GRIK2: variants seen among roughly 807,000 people sequenced by gnomAD.
GRIK2 encodes glutamate receptor ionotropic, kainate 2.
Under a neutral mutation model 100.3 loss-of-function variants are expected in GRIK2, and 32 were observed. The ratio of observed to expected loss-of-function variants is 0.32; its 90% CI spans 0.24 to 0.43. GRIK2 has a LOEUF of 0.43. GRIK2 is among the 20% of genes least tolerant of loss of function. The probability of loss-of-function intolerance (pLI) is 1.00; values close to 1 mark genes in which losing one functional copy is unlikely to be tolerated. For missense variants in GRIK2, 843 were observed against 1,114.9 expected (o/e 0.76, Z 3.47); for synonymous variants, 417 against 389.4 (o/e 1.07, Z -0.83).
chr6:101,988,868 T>C (rs1009341857), intron 14 of GRIK2, among the ~76,000 whole-genome samples: 45 of 151,882 alleles, frequency 3.0e-4, no homozygotes, highest in African/African-American at 1.1e-3. Context: ...AGTCAAAGTA[T>C]AATGAATTTA....
At chr6:102,043,198 C>T (rs761093330) in intron 15 of GRIK2, among the ~76,000 whole-genome samples, 25 of 151,536 alleles carry the variant, frequency 1.6e-4, no homozygotes, top group South Asian at 6.2e-4. Context: ...ATATTTATGA[C>T]GTAAAAGTGA....
chr6:101,907,144 T>C (rs139460564), intron 12 of GRIK2, among the ~76,000 whole-genome samples: 1 of 151,816 alleles, frequency 6.6e-6, no homozygotes, highest in East Asian at 1.9e-4. Flanking sequence ...GAATATATAT[T>C]AGATATATAA....
intron 2 of GRIK2, among the ~76,000 whole-genome samples, chr6:101,433,269 A>T (rs1769518595): frequency 6.6e-6 from 1 of 152,190 alleles, no homozygotes; most frequent in African/African-American, 2.4e-5. Flanking sequence ...AGTTACCTCC[A>T]TTTCTTTTCA....
At chr6:101,921,758 C>A (rs1789535536) in intron 12 of GRIK2, among the ~76,000 whole-genome samples, 1 of 151,880 alleles carries the variant, frequency 6.6e-6, no homozygotes, top group African/African-American at 2.4e-5. Flanking sequence ...TACCTTTCCT[C>A]ACTATTAGAG....
At chr6:101,830,304 G>T (rs1582324629) in intron 10 of GRIK2, among the ~76,000 whole-genome samples, 1 of 151,794 alleles carries the variant, frequency 6.6e-6, no homozygotes, top group African/African-American at 2.4e-5. Flanking sequence ...TAAATCTAAG[G>T]CCTCAAACTG....
At chr6:101,800,562 AATC>A (rs1272810942) in intron 8 of GRIK2, among the ~76,000 whole-genome samples, 2 of 152,092 alleles carry the variant, frequency 1.3e-5, no homozygotes, top group Non-Finnish European at 1.5e-5. Flanking sequence ...GCTTAAAATA[AATC>A]ATCAGTTCAT....
chr6:101,546,848 G>T (rs2749076), intron 2 of GRIK2, among the ~76,000 whole-genome samples: 61,013 of 77,102 alleles, frequency 0.79, 23,132 homozygotes, highest in African/African-American at 0.84. Flanking sequence ...TTTTTTTTTT[G>T]GAGACGGAGT....
intron 2 of GRIK2, among the ~76,000 whole-genome samples, chr6:101,486,251 G>A (rs1410697323): frequency 6.6e-6 from 1 of 152,064 alleles, no homozygotes; most frequent in Non-Finnish European, 1.5e-5. Context: ...GGCAGTTTGA[G>A]AGGATTTGAA....
At chr6:101,703,178 T>G (rs1298864022) in intron 7 of GRIK2, among the ~76,000 whole-genome samples, 1 of 151,814 alleles carries the variant, frequency 6.6e-6, no homozygotes, top group Non-Finnish European at 1.5e-5. Context: ...TAGAATAAAT[T>G]TGTGAGTCAT....
At chr6:101,795,412 A>T (rs1351663581) in intron 7 of GRIK2, among the ~76,000 whole-genome samples, 1 of 152,110 alleles carries the variant, frequency 6.6e-6, no homozygotes, top group African/African-American at 2.4e-5. Flanking sequence ...CCTGAGGCCC[A>T]GTGGTGTTAT....
chr6:101,985,205 A>C (rs1298467629), intron 14 of GRIK2, among the ~76,000 whole-genome samples: 1 of 151,796 alleles, frequency 6.6e-6, no homozygotes, highest in African/African-American at 2.4e-5. Flanking sequence ...AAGTAGGCCA[A>C]AGAAAACACT....
intron 7 of GRIK2, among the ~76,000 whole-genome samples, chr6:101,739,479 GGC>G (rs1329939976): frequency 6.6e-6 from 1 of 152,112 alleles, no homozygotes; most frequent in South Asian, 2.1e-4. Flanking sequence ...TTCTCGTTCA[GGC>G]TCTGTTATTG....
intron 2 of GRIK2, among the ~76,000 whole-genome samples, chr6:101,554,818 A>C (rs2128293493): frequency 6.6e-6 from 1 of 152,012 alleles, no homozygotes; most frequent in African/African-American, 2.4e-5. Flanking sequence ...GCGCATAAGA[A>C]GGATGCTTTG....
At chr6:101,430,499 G>T in intron 2 of GRIK2, 1 of 198,344 alleles carries the variant, frequency 5.0e-6, no homozygotes, top group Non-Finnish European at 1.1e-5. Context: ...CTCAGTGGGG[G>T]TGATGATCTT....
chr6:101,836,619 T>TATATA (rs1434984767), intron 10 of GRIK2, among the ~76,000 whole-genome samples: 3 of 135,112 alleles, frequency 2.2e-5, no homozygotes, highest in Non-Finnish European at 3.1e-5. Context: ...ATATATATAG[T>TATATA]TATATATATA....
At chr6:101,394,140 C>T (rs1304719268) in intron 1 of GRIK2, among the ~76,000 whole-genome samples, 2 of 152,184 alleles carry the variant, frequency 1.3e-5, no homozygotes, top group African/African-American at 4.8e-5. Context: ...GAAGTGGCCT[C>T]AGCTACGGGG....
Position 101,573,360 on chromosome 6 carries a change from T to C in GRIK2, c.116-48589T>C, listed in dbSNP as rs957613568. The stretch of plus-strand genomic sequence containing the variant: ...AGATTGCTCAGGAGCAGATTTCACC[T>C]TGAGCAACCAGGAGGCAGCATGTTG... On this transcript the variant is annotated intron_variant, in intron 2 of 16. Transcript: ENST00000369134. 3.3e-5 allele frequency among the ~76,000 whole-genome samples: 5 copies of C among 152,170 alleles called. No individual in the cohort carries two copies. The East Asian group carries it at 9.6e-4, about 29-fold the overall frequency.
At chr6:101,614,917 A>G (rs1158286120) in intron 2 of GRIK2, among the ~76,000 whole-genome samples, 1 of 151,720 alleles carries the variant, frequency 6.6e-6, no homozygotes, top group African/African-American at 2.4e-5. Flanking sequence ...AGTAGTTACA[A>G]TTGATTTAAA....
At chr6:101,936,588 A>G (rs963232641) in intron 14 of GRIK2, among the ~76,000 whole-genome samples, 5 of 152,052 alleles carry the variant, frequency 3.3e-5, no homozygotes, top group Non-Finnish European at 7.4e-5. Context: ...CACACAATTT[A>G]TTGTACGTGA....
Sources: allele counts gnomAD v4.1 joint callset (sites outside exome capture counted in the v4.1 genomes callset), GRCh38; gene constraint gnomAD v4.1.1; transcripts MANE v1.5; gene names NCBI Gene and HGNC (gene_info 2026-07-23, HGNC 2026-07-21).